Variants in TPP2 observed in about 807,000 individuals in gnomAD.
TPP2 encodes tripeptidyl-peptidase 2.
In TPP2, 34 loss-of-function variants were observed where a neutral mutation model predicts 155.9. The observed-to-expected ratio is 0.22, with a 90% confidence interval of 0.17 to 0.29. The LOEUF is 0.29. TPP2 is among the 10% of genes least tolerant of loss of function. The pLI is 1.00. For missense variants in TPP2, 1,028 were observed against 1,522.3 expected (o/e 0.68, Z 5.40); for synonymous variants, 510 against 529.4 (o/e 0.96, Z 0.50).
At chr13:102,635,825 C>A in intron 12 of TPP2, 123 bp downstream of exon 12, 1 of 728,264 alleles carries the variant, frequency 1.4e-6, no homozygotes, top group South Asian at 1.9e-5. Context: ...ATTATATGGC[C>A]ATAGAACTAC....
intron 24 of TPP2, among the ~76,000 whole-genome samples, chr13:102,655,978 T>G (rs1883835843): frequency 6.6e-6 from 1 of 152,180 alleles, no homozygotes; most frequent in Non-Finnish European, 1.5e-5. Flanking sequence ...TTTTCAACAT[T>G]GTCAGCAACA....
chr13:102,665,011 T>G, intron 27 of TPP2, 86 bp downstream of exon 27: 136 of 1,492,410 alleles, frequency 9.1e-5, no homozygotes, highest in Non-Finnish European at 1.1e-4. Context: ...TAGAGGATAT[T>G]GCTTTTCTGA....
In TPP2 at chr13:102,614,043, A is replaced by G. The variant is rs184854760; in HGVS notation, c.295-58A>G. The G allele has an allele frequency of 2.5e-5, 37 of 1,467,070 alleles. No individual in the cohort carries two copies. The African/African-American group carries it at 3.1e-4, about 12-fold the overall frequency. The allele number at this position is 1,467,070 out of a possible 1,614,324, so 90.9% of individuals were successfully genotyped here. Reference sequence around the variant, plus strand: ...AATATACTTTTTTGCTCAGTAGTGTATCATTGGAATTGGAAAGCATTTAGT... The same window carrying G: ...AATATACTTTTTTGCTCAGTAGTGTGTCATTGGAATTGGAAAGCATTTAGT... On this transcript the variant is annotated intron_variant, in intron 2 of 29. Transcript: ENST00000376052.
At position 102,649,171 on chromosome 13, in the gene TPP2, A is replaced by G; in HGVS notation, c.2873+20A>G. 6.3e-7 allele frequency: 1 copy of G among 1,584,874 alleles called. No individual in the cohort carries two copies. Among genetic ancestry groups the G allele is most frequent in the African/African-American group, 1.4e-5 (1 of 74,048 alleles). On this transcript the variant is annotated intron_variant, in intron 22 of 29. Coordinates refer to ENST00000376052, the MANE Select transcript of TPP2 (RefSeq NM_001330588.2). ...TGATAAGTAAGTGATAACATTGCTT[A>G]TACTTACTGCCCATCGTATACACTG...
chr13:102,657,852 C>T (rs1386460963), intron 25 of TPP2, among the ~76,000 whole-genome samples: 1 of 152,128 alleles, frequency 6.6e-6, no homozygotes, highest in African/African-American at 2.4e-5. Flanking sequence ...ATAATTTACA[C>T]TCCATCTAGC....
rs574840276 is a variant in TPP2 at position 102,672,503 on chromosome 13, C to T, written c.3372-1780C>T. On this transcript the variant is annotated intron_variant, in intron 27 of 29. Transcript: ENST00000376052. The stretch of plus-strand genomic sequence containing the variant: ...CTTTCGAAGCTTTTGCAAAACCTCG[C>T]GGCCTTCCAAGAAGGTTTGCATCTT... 3.9e-5 allele frequency among the ~76,000 whole-genome samples: 6 copies of T among 152,288 alleles called. 1 individual carries two copies. Among genetic ancestry groups the T allele is most frequent in the Admixed American group, 2.0e-4 (3 of 15,290 alleles).
intron 6 of TPP2, among the ~76,000 whole-genome samples, chr13:102,624,001 A>C (rs1881364416): frequency 6.6e-6 from 1 of 152,158 alleles, no homozygotes; most frequent in African/African-American, 2.4e-5. Context: ...TGGTTGGTTA[A>C]ATTGCATGTA....
At chr13:102,671,954 T>C (rs145108863) in intron 27 of TPP2, among the ~76,000 whole-genome samples, 86 of 152,332 alleles carry the variant, frequency 5.6e-4, no homozygotes, top group African/African-American at 2.0e-3. Flanking sequence ...TGTCCCATGA[T>C]GAAACCCTAG....
At chr13:102,638,663 C>T (rs1185520615) in intron 15 of TPP2, among the ~76,000 whole-genome samples, 4 of 152,210 alleles carry the variant, frequency 2.6e-5, no homozygotes, top group Admixed American at 2.6e-4. Flanking sequence ...CCCTCCATTC[C>T]TGCCCTTTTT....
At chr13:102,645,723 T>G (rs1034780369) in intron 19 of TPP2, among the ~76,000 whole-genome samples, 4 of 152,248 alleles carry the variant, frequency 2.6e-5, no homozygotes, top group Non-Finnish European at 4.4e-5. Flanking sequence ...TAGATTATGT[T>G]TCACTGACAT....
intron 24 of TPP2, among the ~76,000 whole-genome samples, chr13:102,653,276 T>C (rs1883636560): frequency 6.6e-6 from 1 of 152,214 alleles, no homozygotes; most frequent in African/African-American, 2.4e-5. Context: ...TTAAGATAAA[T>C]AGCATTTTGT....
chr13:102,663,559 A>T, intron 25 of TPP2, 89 bp from the exon 26 acceptor site: 2 of 903,910 alleles, frequency 2.2e-6, no homozygotes, highest in Non-Finnish European at 3.2e-6. Context: ...TTATTGGCTT[A>T]AACTTCCAAA....
At position 102,618,801 on chromosome 13, in the gene TPP2, G is replaced by GC. The variant is rs1157731003; in HGVS notation, c.578dup (p.Val194CysfsTer3). On this transcript the variant is annotated frameshift_variant, in exon 5 of 30. Coordinates refer to ENST00000376052, the MANE Select transcript of TPP2 (RefSeq NM_001330588.2). LOFTEE classifies it high-confidence loss of function. Reference sequence around the variant, plus strand: ...TTTGAGAAGAAATACAGCGATCCTGGCCCTGTATATGACTGCTTGGTATGG... The same window carrying GC: ...TTTGAGAAGAAATACAGCGATCCTGGCCCCTGTATATGACTGCTTGGTATGG... 6.2e-7 allele frequency: 1 copy of GC among 1,613,850 alleles called. No individual in the cohort carries two copies.
intron 24 of TPP2, 50 bp downstream of exon 24, chr13:102,651,447 A>T: frequency 2.6e-6 from 4 of 1,544,082 alleles, no homozygotes; most frequent in Non-Finnish European, 3.5e-6. Context: ...TTATTTGCAT[A>T]TTAAACTTTT....
intron 1 of TPP2, among the ~76,000 whole-genome samples, chr13:102,604,170 T>TA (rs748383913): frequency 1.3e-5 from 2 of 152,002 alleles, no homozygotes; most frequent in Non-Finnish European, 2.9e-5. Context: ...TGGCATCCAA[T>TA]AATGGTGCCA....
intron 5 of TPP2, among the ~76,000 whole-genome samples, chr13:102,619,446 A>C (rs912877024): frequency 5.3e-5 from 8 of 151,284 alleles, no homozygotes; most frequent in Non-Finnish European, 1.5e-5. Context: ...GCAAAAAAAA[A>C]ACAAACAAAC....
chr13:102,626,435 A>G (rs1034023020), intron 6 of TPP2, among the ~76,000 whole-genome samples: 24 of 152,134 alleles, frequency 1.6e-4, no homozygotes, highest in Non-Finnish European at 2.9e-4. Context: ...AAGTTTTTGA[A>G]TTTTATAAAC....
chr13:102,637,664 C>T (rs1338415511), intron 14 of TPP2, among the ~76,000 whole-genome samples: 1 of 152,164 alleles, frequency 6.6e-6, no homozygotes, highest in African/African-American at 2.4e-5. Flanking sequence ...GATATTCACA[C>T]CTTAGCCTCC....
rs1453477539 is a variant in TPP2, at chr13:102,640,228, TATAATA to T, written c.1914-40_1914-35del. On this transcript the variant is annotated intron_variant, in intron 15 of 29. Transcript: ENST00000376052. Reference sequence around the variant, plus strand: ...ATGAAATCTAGAGTATCTGTGGTCTTATAATAAATATATACATTTAATTACTTTTAT... The same window carrying T: ...ATGAAATCTAGAGTATCTGTGGTCTTAATATATACATTTAATTACTTTTAT... The T allele has an allele frequency of 2.2e-6, 3 of 1,380,536 alleles. No individual in the cohort carries two copies. In the African/African-American group the frequency reaches 4.3e-5, roughly 20 times the overall value. The allele number at this position is 1,380,536 out of a possible 1,614,324, so 85.5% of individuals were successfully genotyped here.
Sources: allele counts gnomAD v4.1 joint callset (sites outside exome capture counted in the v4.1 genomes callset), GRCh38; gene constraint gnomAD v4.1.1; transcripts MANE v1.5; gene names NCBI Gene and HGNC (gene_info 2026-07-23, HGNC 2026-07-21).